The following PLB1 variants were observed in gnomAD, a reference collection of about 807,000 sequenced individuals.
PLB1 encodes the protein phospholipase B1.
A neutral mutation model predicts 227.4 loss-of-function variants in PLB1; 242 were observed. That is an observed-to-expected ratio of 1.06 (90% CI 0.96 to 1.18). The LOEUF (loss-of-function observed/expected upper bound fraction) is 1.18. Among genes scored for constraint, PLB1 ranks in the 50% most tolerant of loss-of-function variants. The pLI, the probability that PLB1 is intolerant of heterozygous loss-of-function variation, is 0.00. For synonymous variants in PLB1, 757 were observed against 682.2 expected, an observed-to-expected ratio of 1.11 and a Z score of -1.71; for missense variants, 1,858 against 1,816.3, an observed-to-expected ratio of 1.02 and a Z score of -0.42.
Position 28,604,753 on chromosome 2 carries a change from C to A in PLB1, c.2955C>A (p.Val985=), listed in dbSNP as rs1335434073. The A allele has an allele frequency of 6.2e-7, 1 of 1,613,956 alleles. No individual in the cohort carries two copies. The highest frequency in any genetic ancestry group is 1.3e-5 in the African/African-American group (1 of 75,052). ...TCTTCCAGAACATCCAGCTCCCTGT[C>A]CTGGCGGTATGTCCCCTGCCCTCAC... is the stretch of plus-strand genomic sequence containing the variant. ...QPFFQNIQLP[V]LADGLPDTSF... is the part of the protein sequence containing the mutation. Residue 985 remains valine (V), a synonymous_variant, in exon 41 of 58, where the codon GTC becomes GTA. Coordinates refer to ENST00000327757, the MANE Select transcript of PLB1 (RefSeq NM_153021.5).
intron 42 of PLB1, 123 bp downstream of exon 42, chr2:28,606,071 C>A: frequency 1.3e-6 from 1 of 772,560 alleles, no homozygotes. Context: ...CTATAAACGT[C>A]TATGCAGTTG....
chr2:28,626,795 C>T (rs753337258), intron 51 of PLB1, among the ~76,000 whole-genome samples: 4 of 152,318 alleles, frequency 2.6e-5, no homozygotes, highest in Non-Finnish European at 2.9e-5. Flanking sequence ...CTTATCCACA[C>T]AAATATGACC....
chr2:28,555,619 T>C (rs1458879499), intron 17 of PLB1, among the ~76,000 whole-genome samples: 1 of 152,244 alleles, frequency 6.6e-6, no homozygotes. Context: ...ATCTGATATA[T>C]GTCTTATAAG....
intron 37 of PLB1, 81 bp from the exon 38 acceptor site, chr2:28,601,818 C>T (rs1169328878): frequency 4.1e-6 from 5 of 1,221,656 alleles, no homozygotes; most frequent in Non-Finnish European, 6.0e-6. Context: ...AGGGCTGGAG[C>T]CAGAAGGGAA....
chr2:28,526,144 T>C (rs1046495821), intron 6 of PLB1, among the ~76,000 whole-genome samples, 199 bp downstream of exon 6: 4 of 151,836 alleles, frequency 2.6e-5, no homozygotes, highest in Non-Finnish European at 5.9e-5. Flanking sequence ...GTGTGCGAAA[T>C]GTATCCAGGG....
In PLB1 at chr2:28,632,071, C is replaced by G; in HGVS notation, c.3933C>G (p.Tyr1311Ter). 1 of 1,614,138 alleles carries G rather than the reference C, an allele frequency of 6.2e-7. No individual in the cohort carries two copies. Among genetic ancestry groups the G allele is most frequent in the Non-Finnish European group, 8.5e-7 (1 of 1,180,010 alleles). Residue 1311 changes from tyrosine to a stop codon, truncating the protein, a stop_gained, in exon 55 of 58, where the codon TAC becomes TAG. Transcript: ENST00000327757. LOFTEE classifies it high-confidence loss of function. ...CCAGTTTCTCCTACTGGCACCAATACACACAGCGTGAGGACTTTGCGGTTG... is the reference window on the plus strand; with the variant it reads ...CCAGTTTCTCCTACTGGCACCAATAGACACAGCGTGAGGACTTTGCGGTTG... Reference protein sequence around the residue: ...GISSFSYWHQYTQREDFAVVV... With the variant: ...GISSFSYWHQ
chr2:28,552,993 T>A lies in PLB1; in HGVS notation c.1147+2T>A, dbSNP rs1235984389. On this transcript the variant is annotated splice_donor_variant, in intron 17 of 57. Coordinates refer to ENST00000327757, the MANE Select transcript of PLB1 (RefSeq NM_153021.5). LOFTEE classifies it high-confidence loss of function. Reference sequence around the variant, plus strand: ...CCTCCGATACGGTTCCCACCTCAGGTACACAGCTTGCACCCAGTGATTTTA... The same window carrying A: ...CCTCCGATACGGTTCCCACCTCAGGAACACAGCTTGCACCCAGTGATTTTA... The A allele has an allele frequency of 6.2e-7, 1 of 1,612,846 alleles. No individual in the cohort carries two copies. Among genetic ancestry groups the A allele is most frequent in the African/African-American group, 1.3e-5 (1 of 74,888 alleles).
chr2:28,525,541 G>A (rs1466253784), intron 5 of PLB1, among the ~76,000 whole-genome samples: 2 of 152,116 alleles, frequency 1.3e-5, no homozygotes, highest in African/African-American at 4.8e-5. Context: ...GGAGAAGTGG[G>A]AAAGGCTAAT....
chr2:28,593,568 C>A, intron 32 of PLB1, 113 bp from the exon 33 acceptor site: 1 of 839,544 alleles, frequency 1.2e-6, no homozygotes, highest in Non-Finnish European at 2.0e-6. Flanking sequence ...TCCATGTCTG[C>A]TCCTGCCACC....
intron 43 of PLB1, among the ~76,000 whole-genome samples, chr2:28,609,618 C>A (rs189613714): frequency 5.1e-4 from 78 of 152,284 alleles, no homozygotes; most frequent in African/African-American, 1.7e-3. Context: ...TAAATCCAAT[C>A]CTGCCATGAC....
intron 19 of PLB1, among the ~76,000 whole-genome samples, chr2:28,565,593 G>A (rs1356739403): frequency 6.6e-6 from 1 of 152,180 alleles, no homozygotes; most frequent in Non-Finnish European, 1.5e-5. Context: ...ATAAATGTTT[G>A]GGCTGGAAAT....
At chr2:28,533,803 G>C (rs1389893538) in intron 9 of PLB1, among the ~76,000 whole-genome samples, 1 of 152,070 alleles carries the variant, frequency 6.6e-6, no homozygotes, top group Non-Finnish European at 1.5e-5. Flanking sequence ...ATAAATTCTT[G>C]CATGCTTTCA....
intron 19 of PLB1, 44 bp downstream of exon 19, chr2:28,565,397 G>T: frequency 1.3e-6 from 2 of 1,541,202 alleles, no homozygotes; most frequent in Middle Eastern, 3.4e-4. Flanking sequence ...CTTCATTGCA[G>T]AGCAAGGGAA....
chr2:28,533,155 C>A (rs909274712), intron 9 of PLB1, among the ~76,000 whole-genome samples: 1 of 152,108 alleles, frequency 6.6e-6, no homozygotes, highest in African/African-American at 2.4e-5. Context: ...GATACTCTTG[C>A]CTTCCTTCAA....
At chr2:28,541,999 G>T (rs931331076) in intron 13 of PLB1, among the ~76,000 whole-genome samples, 188 bp downstream of exon 13, 1 of 152,136 alleles carries the variant, frequency 6.6e-6, no homozygotes, top group African/African-American at 2.4e-5. Flanking sequence ...CAGGCATGAT[G>T]GTGGGCGCCT....
intron 20 of PLB1, among the ~76,000 whole-genome samples, chr2:28,568,300 G>A (rs1434925570): frequency 6.6e-6 from 1 of 152,206 alleles, no homozygotes; most frequent in Non-Finnish European, 1.5e-5. Flanking sequence ...TACTTCCCAT[G>A]CTCGTATTAT....
intron 4 of PLB1, among the ~76,000 whole-genome samples, chr2:28,523,301 A>G (rs1460944136): frequency 6.6e-6 from 1 of 151,496 alleles, no homozygotes; most frequent in Middle Eastern, 3.2e-3. Flanking sequence ...TATAAAACCT[A>G]AATAGGGTCA....
In PLB1 at chr2:28,496,322, C is replaced by T. The variant is rs373325453; in HGVS notation, c.55+153C>T. On this transcript the variant is annotated intron_variant, in intron 1 of 57. Transcript: ENST00000327757. Reference sequence around the variant, plus strand: ...AAGAATAAGAAGTCTGGTTTGCCTCCTGCGGAATGGGATGCAGAGGCTGCC... The same window carrying T: ...AAGAATAAGAAGTCTGGTTTGCCTCTTGCGGAATGGGATGCAGAGGCTGCC... Among the ~76,000 whole-genome samples, 9 of 152,286 alleles carry T rather than the reference C, an allele frequency of 5.9e-5. No homozygotes were observed. In the East Asian group the frequency reaches 1.7e-3, roughly 29 times the overall value.
intron 54 of PLB1, among the ~76,000 whole-genome samples, chr2:28,631,090 G>T (rs1441286522): frequency 2.0e-5 from 3 of 151,586 alleles, no homozygotes; most frequent in African/African-American, 7.3e-5. Flanking sequence ...GGAGTTGGAG[G>T]CTGCTGTTAG....
Sources: gnomAD v4.1 joint callset for allele counts (sites outside exome capture counted in the v4.1 genomes callset) on GRCh38, gnomAD v4.1.1 for gene constraint, MANE v1.5 for transcripts, NCBI Gene and HGNC (gene_info 2026-07-23, HGNC 2026-07-21) for gene names.